PRMT8: variants seen among roughly 807,000 people sequenced by gnomAD.
PRMT8 encodes the protein protein arginine N-methyltransferase 8.
A neutral mutation model predicts 47.1 loss-of-function variants in PRMT8; 7 were observed. That is an observed-to-expected ratio of 0.15 (90% CI 0.08 to 0.28). PRMT8 has a LOEUF of 0.28. Among genes scored for constraint, PRMT8 ranks in the 10% least tolerant of loss-of-function variants. The pLI is 1.00. For synonymous variants in PRMT8, 188 were observed against 186.5 expected (o/e 1.01, Z -0.07); for missense variants, 237 against 505.4 (o/e 0.47, Z 5.09).
At chr12:3,539,264 A>G (rs1866177014) in intron 1 of PRMT8, among the ~76,000 whole-genome samples, 1 of 152,148 alleles carries the variant, frequency 6.6e-6, no homozygotes. Context: ...GGTAGGTTTT[A>G]TTATGATTTG....
In PRMT8 at chr12:3,570,867, C is replaced by T. The variant is rs1565445617; in HGVS notation, c.712+1303C>T. Among the ~76,000 whole-genome samples the T allele has an allele frequency of 6.6e-6, 1 of 152,160 alleles. No individual in the cohort carries two copies. ...ATCTGGTGTGATTTCCACTATTTGA[C>T]CTCCTGGGGGAAGGAGGCAAAATAC... On this transcript the variant is annotated intron_variant, in intron 6 of 9. Coordinates refer to ENST00000382622, the MANE Select transcript of PRMT8 (RefSeq NM_019854.5). This position sits in a 1 kb window ranked among gnomAD's most constrained non-coding sequence, Gnocchi z 5.5.
intron 1 of PRMT8, among the ~76,000 whole-genome samples, chr12:3,464,730 C>T (rs1865074560): frequency 6.6e-6 from 1 of 152,206 alleles, no homozygotes; most frequent in Admixed American, 6.5e-5. Flanking sequence ...CAGATCTCAT[C>T]TGCCCTGGCC....
intron 2 of PRMT8, among the ~76,000 whole-genome samples, chr12:3,548,568 G>T (rs958764969): frequency 6.7e-5 from 10 of 149,058 alleles, no homozygotes; most frequent in Non-Finnish European, 1.5e-4. Flanking sequence ...TAGCCAATAA[G>T]CACATGAAAA....
chr12:3,481,644 G>A (rs1055556702), intron 1 of PRMT8, among the ~76,000 whole-genome samples: 1 of 152,182 alleles, frequency 6.6e-6, no homozygotes, highest in Non-Finnish European at 1.5e-5. Context: ...AGGTTATGGA[G>A]TATTGACTGA....
At chr12:3,549,520 G>A (rs1000528023) in intron 2 of PRMT8, among the ~76,000 whole-genome samples, 2 of 150,250 alleles carry the variant, frequency 1.3e-5, no homozygotes, top group African/African-American at 4.9e-5. Context: ...TAAAAAAAAG[G>A]CAAACAAAAC....
At chr12:3,410,240 C>A (rs1285912696) in intron 1 of PRMT8, among the ~76,000 whole-genome samples, 4 of 152,172 alleles carry the variant, frequency 2.6e-5, no homozygotes, top group Non-Finnish European at 5.9e-5. Context: ...CTCAAGTTTT[C>A]AATTTTTATC....
chr12:3,567,848 T>C (rs1311610597), intron 4 of PRMT8, among the ~76,000 whole-genome samples: 4 of 151,630 alleles, frequency 2.6e-5, no homozygotes, highest in Non-Finnish European at 4.4e-5. Context: ...CCGAGGCGGG[T>C]AGATCACCTG....
In PRMT8 at chr12:3,491,465, G is replaced by A; in HGVS notation, c.-161G>A. ...AAAATAAAAGAAAGTGGAGACTGCAGAACAGACTCCGCTGTGGCTGACTGT... is the reference window on the plus strand; with the variant it reads ...AAAATAAAAGAAAGTGGAGACTGCAAAACAGACTCCGCTGTGGCTGACTGT... On this transcript the variant is annotated 5_prime_UTR_variant, in exon 1 of 10. Coordinates refer to ENST00000382622, the MANE Select transcript of PRMT8 (RefSeq NM_019854.5). The A allele has an allele frequency of 7.0e-7, 1 of 1,435,108 alleles. No individual in the cohort carries two copies. Among genetic ancestry groups the A allele is most frequent in the Non-Finnish European group, 9.1e-7 (1 of 1,098,070 alleles). The allele number at this position is 1,435,108 out of a possible 1,614,324, so 88.9% of individuals were successfully genotyped here.
chr12:3,568,842 G>A lies in PRMT8; in HGVS notation c.618G>A (p.Lys206=). The change falls in exon 5 of 10, where the codon AAG becomes AAA. Residue 206 remains lysine (K), a synonymous_variant. Transcript: ENST00000382622. ...MLNTVIFARD[K]WLKPGGLMFP... ...ACACGGTGATCTTTGCCAGGGACAA[G>A]TGGCTGGTAAGTGTCCTGCATGCTG... is the stretch of plus-strand genomic sequence containing the variant. 1.2e-6 allele frequency: 2 copies of A among 1,614,170 alleles called. No homozygotes were observed. Among genetic ancestry groups the A allele is most frequent in the Non-Finnish European group, 1.7e-6 (2 of 1,180,028 alleles).
chr12:3,434,733 T>A (rs1268520881), intron 1 of PRMT8, among the ~76,000 whole-genome samples: 1 of 134,628 alleles, frequency 7.4e-6, no homozygotes, highest in African/African-American at 2.6e-5. Context: ...ATGGTGAACA[T>A]GAATGAAGCC....
intron 1 of PRMT8, among the ~76,000 whole-genome samples, chr12:3,450,312 A>T (rs1205092808): frequency 6.6e-6 from 1 of 152,214 alleles, no homozygotes. Context: ...TTTTACCCAT[A>T]TGAGATTTTG....
At chr12:3,399,599 A>G (rs1864297169) in intron 1 of PRMT8, among the ~76,000 whole-genome samples, 1 of 152,192 alleles carries the variant, frequency 6.6e-6, no homozygotes, top group Non-Finnish European at 1.5e-5. Context: ...TGTACCTGAA[A>G]TGATGTCCTT....
At chr12:3,391,854 G>T (rs1864195878) in intron 1 of PRMT8, among the ~76,000 whole-genome samples, 1 of 152,110 alleles carries the variant, frequency 6.6e-6, no homozygotes, top group South Asian at 2.1e-4. Context: ...ACTGAACTAG[G>T]GTGCAGATGG....
chr12:3,533,510 ATTC>A (rs533149021), intron 1 of PRMT8, among the ~76,000 whole-genome samples: 1 of 152,210 alleles, frequency 6.6e-6, no homozygotes, highest in South Asian at 2.1e-4. Flanking sequence ...GCCCAAGACC[ATTC>A]TTCTTCTTCT....
At chr12:3,537,935 A>T (rs566277830) in intron 1 of PRMT8, among the ~76,000 whole-genome samples, 1 of 152,238 alleles carries the variant, frequency 6.6e-6, no homozygotes, top group Admixed American at 6.5e-5. Flanking sequence ...CCTAAAGAGG[A>T]GCCCAAACAC....
chr12:3,569,767 G>A lies in PRMT8; in HGVS notation c.712+203G>A, dbSNP rs1361062475. ...TGTTAGGTCTACAGACAGAAAATAAGCCATATGGCTGGGATGAGAGAAATG... is the reference window on the plus strand; with the variant it reads ...TGTTAGGTCTACAGACAGAAAATAAACCATATGGCTGGGATGAGAGAAATG... On this transcript the variant is annotated intron_variant, in intron 6 of 9. Coordinates refer to ENST00000382622, the MANE Select transcript of PRMT8 (RefSeq NM_019854.5). This position sits in a 1 kb window ranked among gnomAD's most constrained non-coding sequence, Gnocchi z 8.2. Among the ~76,000 whole-genome samples, 2 of 152,182 alleles carry A rather than the reference G, an allele frequency of 1.3e-5. No individual in the cohort carries two copies. The highest frequency in any genetic ancestry group is 2.4e-5 in the African/African-American group (1 of 41,440).
intron 1 of PRMT8, among the ~76,000 whole-genome samples, chr12:3,511,322 G>A (rs191704489): frequency 2.0e-3 from 299 of 152,286 alleles, no homozygotes; most frequent in Non-Finnish European, 3.2e-3. Flanking sequence ...GCAGCAAATG[G>A]CATAGAAGGT....
chr12:3,464,658 C>T (rs1865073886), intron 1 of PRMT8, among the ~76,000 whole-genome samples: 1 of 152,138 alleles, frequency 6.6e-6, no homozygotes. Context: ...GTATCTGTAG[C>T]CTCTACCCCT....
chr12:3,474,152 A>G (rs768213033), intron 1 of PRMT8, among the ~76,000 whole-genome samples: 3 of 152,178 alleles, frequency 2.0e-5, no homozygotes, highest in African/African-American at 4.8e-5. Context: ...CCTTCAGGAT[A>G]AAGTCCACAC....
Sources: allele counts gnomAD v4.1 joint callset (sites outside exome capture counted in the v4.1 genomes callset), GRCh38; gene constraint gnomAD v4.1.1; non-coding constraint Gnocchi (gnomAD v3.1); transcripts MANE v1.5; gene names NCBI Gene and HGNC (gene_info 2026-07-23, HGNC 2026-07-21).